The following GLMN variants were observed in gnomAD, a reference collection of about 807,000 sequenced individuals.
The protein encoded by GLMN is glomulin, FKBP associated protein, also known as glomulin.
A neutral mutation model predicts 87.8 loss-of-function variants in GLMN; 75 were observed. The observed-to-expected ratio is 0.85, with a 90% confidence interval of 0.71 to 1.04. GLMN has a LOEUF of 1.04. GLMN is among the 50% of genes least tolerant of loss of function. The probability of loss-of-function intolerance (pLI) is 0.00; values close to 1 mark genes in which losing one functional copy is unlikely to be tolerated. For missense variants in GLMN, 588 were observed against 658.8 expected, an observed-to-expected ratio of 0.89 and a Z score of 1.18; for synonymous variants, 206 against 221.6, an observed-to-expected ratio of 0.93 and a Z score of 0.63.
the GLMN span, among the ~76,000 whole-genome samples, chr1:92,315,072 G>T: frequency 6.6e-6 from 1 of 151,408 alleles, no homozygotes; most frequent in East Asian, 1.9e-4. Context: ...ATAGAAATTA[G>T]CTTTTCAGAG....
chr1:92,292,205 A>C (rs914963845), intron 3 of GLMN, among the ~76,000 whole-genome samples: 2 of 152,106 alleles, frequency 1.3e-5, no homozygotes, highest in African/African-American at 4.8e-5. Context: ...GTTAGAAATA[A>C]AGTGAGGAAC....
chr1:92,323,594 C>T, the GLMN span: 3 of 1,613,930 alleles, frequency 1.9e-6, no homozygotes, highest in Non-Finnish European at 2.5e-6. Context: ...GACTTTGTTT[C>T]CTCCATTCTA....
the GLMN span, among the ~76,000 whole-genome samples, chr1:92,328,461 A>G: frequency 6.6e-6 from 1 of 152,044 alleles, no homozygotes; most frequent in Non-Finnish European, 1.5e-5. Flanking sequence ...GTGCATTTGC[A>G]TTTCTCTAAG....
chr1:92,324,066 A>G, the GLMN span: 14 of 1,613,966 alleles, frequency 8.7e-6, no homozygotes, highest in Non-Finnish European at 1.2e-5. Flanking sequence ...CAGAAGAAAC[A>G]TTGAGGTTTT....
the GLMN span, among the ~76,000 whole-genome samples, chr1:92,345,305 A>G: frequency 1.3e-5 from 2 of 150,964 alleles, no homozygotes; most frequent in Admixed American, 6.6e-5. Context: ...ATTCAAGGCT[A>G]CAGTGCACCA....
chr1:92,350,238 A>T, the GLMN span, among the ~76,000 whole-genome samples: 1 of 152,214 alleles, frequency 6.6e-6, no homozygotes, highest in Non-Finnish European at 1.5e-5. Context: ...AGCACTATAC[A>T]TTTATGAAGG....
chr1:92,271,791 T>C, intron 7 of GLMN, 139 bp from the exon 8 acceptor site: 2 of 666,954 alleles, frequency 3.0e-6, no homozygotes, highest in Middle Eastern at 2.5e-4. Context: ...TGAGACTTGC[T>C]TTCAACCAAC....
At chr1:92,296,097 T>C (rs2391140) in intron 3 of GLMN, among the ~76,000 whole-genome samples, 132,261 of 152,144 alleles carry the variant, frequency 0.87, 57,877 homozygotes, top group East Asian at 1. Context: ...CTAAGAGATG[T>C]TATAATAATA....
chr1:92,342,711 C>T, the GLMN span, among the ~76,000 whole-genome samples: 7 of 151,988 alleles, frequency 4.6e-5, no homozygotes, highest in Non-Finnish European at 7.4e-5. Flanking sequence ...TGATCAGATC[C>T]TATTTTGAAG....
chr1:92,268,917 T>G (rs1418223166), intron 9 of GLMN, among the ~76,000 whole-genome samples: 1 of 4,012 alleles, frequency 2.5e-4, no homozygotes, highest in Admixed American at 3.0e-3. Flanking sequence ...GTAATTTCCT[T>G]TTTTTTTTTT....
chr1:92,268,073 T>C, intron 10 of GLMN, 32 bp downstream of exon 10: 1 of 1,408,254 alleles, frequency 7.1e-7, no homozygotes, highest in Non-Finnish European at 1.0e-6. Flanking sequence ...CATAACTATG[T>C]ATTTAAGTTA....
chr1:92,285,122 C>T (rs1032743720), intron 7 of GLMN, among the ~76,000 whole-genome samples: 4 of 151,984 alleles, frequency 2.6e-5, no homozygotes, highest in East Asian at 1.9e-4. Flanking sequence ...GGGTATATAC[C>T]CAAAGGATTA....
intron 16 of GLMN, among the ~76,000 whole-genome samples, chr1:92,251,119 G>A (rs1653430618): frequency 6.6e-6 from 1 of 152,092 alleles, no homozygotes; most frequent in African/African-American, 2.4e-5. Flanking sequence ...TACAGAAAAG[G>A]TAAAGGATTT....
intron 7 of GLMN, among the ~76,000 whole-genome samples, chr1:92,280,116 C>T (rs1647826909): frequency 6.6e-6 from 1 of 152,244 alleles, no homozygotes; most frequent in African/African-American, 2.4e-5. Context: ...GTGGTTCTCT[C>T]AGCATAGCAT....
At position 92,278,982 on chromosome 1, in the gene GLMN, T is replaced by G. The variant is rs376217378; in HGVS notation, c.736-7330A>C. Among the ~76,000 whole-genome samples, 7 of 152,344 alleles carry G rather than the reference T, an allele frequency of 4.6e-5. No individual in the cohort carries two copies. The East Asian group carries it at 7.7e-4, about 17-fold the overall frequency. On this transcript the variant is annotated intron_variant, in intron 7 of 18. Transcript: ENST00000370360. ...ATAATACTATTTTCAAGCATCCTAT[T>G]CTTTACACCTATTTTTTCAGTTCAC...
intron 13 of GLMN, among the ~76,000 whole-genome samples, chr1:92,265,638 A>C (rs1655550159): frequency 6.6e-6 from 1 of 152,074 alleles, no homozygotes; most frequent in Non-Finnish European, 1.5e-5. Context: ...GCATGATGGC[A>C]TGCACCTGTA....
upstream of GLMN, chr1:92,300,079 A>G (rs1224785837): frequency 1.4e-5 from 10 of 692,736 alleles, no homozygotes; most frequent in African/African-American, 1.8e-4. Flanking sequence ...ATATCTAAAC[A>G]TAGAAAAGGT....
Position 92,268,064 on chromosome 1 carries a change from A to T in GLMN, c.1008+41T>A, listed in dbSNP as rs771360797. On this transcript the variant is annotated intron_variant, in intron 10 of 18. Coordinates refer to ENST00000370360, the MANE Select transcript of GLMN (RefSeq NM_053274.3). ...AAGTCAACAGCTGTTATTTGTTGAC[A>T]TAACTATGTATTTAAGTTATAATGG... 7 of 1,398,246 alleles carry T rather than the reference A, an allele frequency of 5.0e-6. No homozygotes were observed. In the South Asian group the frequency reaches 8.1e-5, roughly 16 times the overall value. 86.6% of individuals were successfully genotyped at this position (1,398,246 alleles called of 1,614,324 possible). A position where few individuals can be genotyped will look rare whatever the true frequency, so the allele number is the denominator to read the frequency against.
chr1:92,272,864 C>T (rs1656384565), intron 7 of GLMN, among the ~76,000 whole-genome samples: 1 of 152,180 alleles, frequency 6.6e-6, no homozygotes, highest in African/African-American at 2.4e-5. Context: ...CTTCAGAATC[C>T]ACTGACATTG....
Sources: gnomAD v4.1 joint callset for allele counts (sites outside exome capture counted in the v4.1 genomes callset) on GRCh38, gnomAD v4.1.1 for gene constraint, MANE v1.5 for transcripts, NCBI Gene and HGNC (gene_info 2026-07-23, HGNC 2026-07-21) for gene names.